Variants in C19orf47 observed in about 807,000 individuals in gnomAD.
C19orf47 encodes uncharacterized protein C19orf47.
C19orf47 carries 18 observed loss-of-function variants against 32.3 expected under a neutral mutation model. The observed-to-expected ratio is 0.56, with a 90% CI of 0.39 to 0.83. The LOEUF (loss-of-function observed/expected upper bound fraction) is 0.83, where lower values mean the gene tolerates loss of function less well. Among genes scored for constraint, C19orf47 ranks in the 40% least tolerant of loss-of-function variants. The pLI is 0.00. For missense variants in C19orf47, 484 were observed against 531.6 expected (o/e 0.91, Z 0.88); for synonymous variants, 202 against 211.1 (o/e 0.96, Z 0.37).
At chr19:40,328,186 A>C (rs1236867405) in intron 6 of C19orf47, among the ~76,000 whole-genome samples, 1 of 152,152 alleles carries the variant, frequency 6.6e-6, no homozygotes, top group African/African-American at 2.4e-5. Context: ...GCTTCTGTCC[A>C]TCCTCCTGGG....
intron 1 of C19orf47, among the ~76,000 whole-genome samples, chr19:40,347,251 C>T (rs1328328446): frequency 6.6e-6 from 1 of 151,922 alleles, no homozygotes; most frequent in African/African-American, 2.4e-5. Flanking sequence ...AGCAATGCGC[C>T]GGGCACGGTG....
chr19:40,328,536 T>C lies in C19orf47; in HGVS notation c.316A>G (p.Ile106Val), dbSNP rs2077883032. The part of the protein sequence containing the change: ...RRGTSAASRM[I>V]TNSLNHDSPP... ...GAGTCATGGTTCAGGCTGTTGGTGA[T>C]CATTCGGGAGGCAGCTGTGGGGAGA... The change falls in exon 6 of 9, where the codon ATC becomes GTC. Residue 106 changes from isoleucine (I) to valine (V), a missense_variant. By Grantham distance (29) the Ile-to-Val change is conservative. Coordinates refer to ENST00000683109, the MANE Select transcript of C19orf47 (RefSeq NM_001256441.2). 2 of 1,606,096 alleles carry C rather than the reference T, an allele frequency of 1.2e-6. No homozygotes were observed. The highest frequency in any genetic ancestry group is 1.1e-5 in the South Asian group (1 of 90,074).
In C19orf47 at chr19:40,320,596, G is replaced by A. The variant is rs151145854; in HGVS notation, c.*1286C>T. On this transcript the variant is annotated 3_prime_UTR_variant, in exon 9 of 9. Transcript: ENST00000683109. Reference sequence around the variant, plus strand: ...TATCCACAACCACTGAAGCGGCCCTGGCCACTTTCTCCCACTCCTCAGATT... The same window carrying A: ...TATCCACAACCACTGAAGCGGCCCTAGCCACTTTCTCCCACTCCTCAGATT... 625 of 154,640 alleles carry A rather than the reference G, an allele frequency of 4.0e-3. 2 individuals carry two copies. Among genetic ancestry groups the A allele is most frequent in the Non-Finnish European group, 6.4e-3 (439 of 68,606 alleles). The allele number at this position is 154,640 out of a possible 1,614,324, so 9.6% of individuals were successfully genotyped here. A position where few individuals can be genotyped will look rare whatever the true frequency, so the allele number is the denominator to read the frequency against.
downstream of C19orf47, among the ~76,000 whole-genome samples, chr19:40,315,733 T>C (rs2077657680): frequency 6.7e-6 from 1 of 150,132 alleles, no homozygotes; most frequent in Non-Finnish European, 1.5e-5. Flanking sequence ...TGAGCCGAGA[T>C]CACCCCACTG....
rs2077733145 is a variant in C19orf47 at position 40,322,173 on chromosome 19, G to GGCAGCAGCCGTTGTC, written c.852_866dup (p.Thr285_Ala289dup). On this transcript the variant is annotated inframe_insertion, in exon 9 of 9. Coordinates refer to ENST00000683109, the MANE Select transcript of C19orf47 (RefSeq NM_001256441.2). ...AAAGCGCCAGGCGCCGCAGTGTCGG[G>GGCAGCAGCCGTTGTC]GCAGCAGCCGTTGTCGCTGAGCTTG... The GGCAGCAGCCGTTGTC allele has an allele frequency of 1.2e-6, 2 of 1,612,240 alleles. No homozygotes were observed. Among genetic ancestry groups the GGCAGCAGCCGTTGTC allele is most frequent in the Admixed American group, 1.7e-5 (1 of 60,024 alleles).
rs1026015530 is a variant in C19orf47, at chr19:40,328,637, T to G, written c.302-87A>C. 2.0e-6 allele frequency: 3 copies of G among 1,474,320 alleles called. No individual in the cohort carries two copies. In the African/African-American group the frequency reaches 4.3e-5, roughly 21 times the overall value. 91.3% of individuals were successfully genotyped at this position (1,474,320 alleles called of 1,614,324 possible). Reference sequence around the variant, plus strand: ...AGTCTCAGGGTCAGGATGGAGAAGGTGAGGCTTGAGACTGAATGAGAAGGT... The same window carrying G: ...AGTCTCAGGGTCAGGATGGAGAAGGGGAGGCTTGAGACTGAATGAGAAGGT... On this transcript the variant is annotated intron_variant, in intron 5 of 8. Transcript: ENST00000683109.
At chr19:40,315,779 C>CAAA (rs1003998016), downstream of C19orf47, among the ~76,000 whole-genome samples, 1 of 124,552 alleles carries the variant, frequency 8.0e-6, no homozygotes, top group Non-Finnish European at 1.7e-5. Context: ...CACTCCATCT[C>CAAA]AAAAAAAAAA....
Position 40,321,803 on chromosome 19 carries a change from G to T in C19orf47, c.*79C>A. Reference sequence around the variant, plus strand: ...TGTGTCATCCAGGAGCTGGTGGGAGGCGTGATGAAGCCAGGAGCCTGGGGC... The same window carrying T: ...TGTGTCATCCAGGAGCTGGTGGGAGTCGTGATGAAGCCAGGAGCCTGGGGC... On this transcript the variant is annotated 3_prime_UTR_variant, in exon 9 of 9. Transcript: ENST00000683109. 1 of 1,448,542 alleles carries T rather than the reference G, an allele frequency of 6.9e-7. No homozygotes were observed. The allele number at this position is 1,448,542 out of a possible 1,614,324, so 89.7% of individuals were successfully genotyped here.
In C19orf47 at chr19:40,322,071, G is replaced by A. The variant is rs775828971; in HGVS notation, c.969C>T (p.Ala323=). Residue 323 remains alanine, a synonymous_variant, in exon 9 of 9, where the codon GCC becomes GCT. Transcript: ENST00000683109. ...GGCTGTCCTGGGCCTCGGGCACAAGGGCAGCTGCGCCCAGTCTCTTGATGA... is the reference window on the plus strand; with the variant it reads ...GGCTGTCCTGGGCCTCGGGCACAAGAGCAGCTGCGCCCAGTCTCTTGATGA... ...VSIIKRLGAA[A]LVPEAQDSQV... 6 of 1,614,074 alleles carry A rather than the reference G, an allele frequency of 3.7e-6. No individual in the cohort carries two copies. In the East Asian group the frequency reaches 6.7e-5, roughly 18 times the overall value.
intron 7 of C19orf47, among the ~76,000 whole-genome samples, chr19:40,326,081 C>T (rs1265128838): frequency 6.6e-6 from 1 of 152,270 alleles, no homozygotes; most frequent in East Asian, 1.9e-4. Context: ...AGCAGGCCAT[C>T]ACTCTATCGT....
chr19:40,295,401 C>A, the C19orf47 span, among the ~76,000 whole-genome samples: 1 of 151,570 alleles, frequency 6.6e-6, no homozygotes, highest in African/African-American at 2.4e-5. Flanking sequence ...GTCTTAGAGA[C>A]TCCTCTAACA....
intron 6 of C19orf47, among the ~76,000 whole-genome samples, 174 bp from the exon 7 acceptor site, chr19:40,326,660 A>G (rs2077837413): frequency 6.6e-6 from 1 of 152,106 alleles, no homozygotes; most frequent in East Asian, 1.9e-4. Context: ...TCTCTGTTAC[A>G]CGAGGTCACA....
At chr19:40,335,265 T>C (rs899604910) in intron 4 of C19orf47, among the ~76,000 whole-genome samples, 2 of 152,144 alleles carry the variant, frequency 1.3e-5, no homozygotes, top group Non-Finnish European at 2.9e-5. Flanking sequence ...TGGGTCACTA[T>C]AAGTGGAGGG....
the C19orf47 span, among the ~76,000 whole-genome samples, chr19:40,293,066 C>T: frequency 6.6e-6 from 1 of 152,132 alleles, no homozygotes; most frequent in Non-Finnish European, 1.5e-5. Flanking sequence ...GGTCAGGATG[C>T]TATATGATAA....
rs398034615 is a variant in C19orf47, at chr19:40,330,540, C to CTTTTT, written c.302-1995_302-1991dup. On this transcript the variant is annotated intron_variant, in intron 5 of 8. Coordinates refer to ENST00000683109, the MANE Select transcript of C19orf47 (RefSeq NM_001256441.2). The stretch of plus-strand genomic sequence containing the variant: ...GGCGTGAGCCACCATACCCGGCCCT[C>CTTTTT]TTTTTTTTTTTTTTTTTTTTTTTTG... Among the ~76,000 whole-genome samples the CTTTTT allele has an allele frequency of 1.1e-3, 70 of 64,586 alleles. 1 individual carries two copies. Among genetic ancestry groups the CTTTTT allele is most frequent in the East Asian group, 1.7e-3 (3 of 1,818 alleles). The allele number at this position is 64,586 out of a possible 152,430, so 42.4% of individuals were successfully genotyped here. A position where few individuals can be genotyped will look rare whatever the true frequency, so the allele number is the denominator to read the frequency against.
Position 40,322,077 on chromosome 19 carries a change from T to G in C19orf47, c.963A>C (p.Ala321=). The G allele has an allele frequency of 1.2e-6, 2 of 1,614,190 alleles. No individual in the cohort carries two copies. The highest frequency in any genetic ancestry group is 1.7e-6 in the Non-Finnish European group (2 of 1,180,032). Residue 321 remains alanine (A), a synonymous_variant, in exon 9 of 9, where the codon GCA becomes GCC. Transcript: ENST00000683109. The part of the protein sequence containing the change: ...SKVSIIKRLG[A]AALVPEAQDS... ...CCTGGGCCTCGGGCACAAGGGCAGC[T>G]GCGCCCAGTCTCTTGATGATGCTGA...
At chr19:40,338,310 TATATATACACAA>T (rs1233753309) in intron 2 of C19orf47, among the ~76,000 whole-genome samples, 1 of 145,384 alleles carries the variant, frequency 6.9e-6, no homozygotes, top group African/African-American at 2.6e-5. Flanking sequence ...TATATACACA[TATATATACACAA>T]ATATATATAT....
rs1303029024 is a variant in C19orf47 at position 40,336,072 on chromosome 19, C to T, written c.222+38G>A. The T allele has an allele frequency of 3.1e-6, 5 of 1,594,704 alleles. No individual in the cohort carries two copies. In the African/African-American group the frequency reaches 4.0e-5, roughly 13 times the overall value. ...CTGCAACTGACCCTCCACCTCCATG[C>T]CAAACCCAGAGACAGAGGGGCTGGG... On this transcript the variant is annotated intron_variant, in intron 4 of 8. Transcript: ENST00000683109.
downstream of C19orf47, among the ~76,000 whole-genome samples, chr19:40,317,331 T>G (rs1203193473): frequency 6.6e-6 from 1 of 152,176 alleles, no homozygotes; most frequent in Non-Finnish European, 1.5e-5. Flanking sequence ...TGGTGGCTCA[T>G]GCCTGTAATC....
Sources: allele counts gnomAD v4.1 joint callset (sites outside exome capture counted in the v4.1 genomes callset), GRCh38; gene constraint gnomAD v4.1.1; transcripts MANE v1.5; gene names NCBI Gene and HGNC (gene_info 2026-07-23, HGNC 2026-07-21).